The following ACER2 variants were observed in gnomAD, a reference collection of about 807,000 sequenced individuals.
ACER2 encodes the protein alkaline ceramidase 2.
Under a neutral mutation model 34.7 loss-of-function variants are expected in ACER2, and 26 were observed. The ratio of observed to expected loss-of-function variants is 0.75; its 90% CI spans 0.55 to 1.04. ACER2 has a LOEUF of 1.04. ACER2 is among the 50% of genes least tolerant of loss of function. ACER2 has a pLI of 0.00. For synonymous variants in ACER2, 138 were observed against 132.1 expected (o/e 1.04, Z -0.31); for missense variants, 352 against 340.8 (o/e 1.03, Z -0.26).
rs1831530518 is a variant in ACER2, at chr9:19,450,513, C to G, written c.705C>G (p.Ala235=). 6.2e-7 allele frequency: 1 copy of G among 1,612,502 alleles called. No homozygotes were observed. The highest frequency in any genetic ancestry group is 8.5e-7 in the Non-Finnish European group (1 of 1,178,748). Residue 235 remains alanine (A), a synonymous_variant, in exon 6 of 6, where the codon GCC becomes GCG. Coordinates refer to ENST00000340967, the MANE Select transcript of ACER2 (RefSeq NM_001010887.3). ...TATGCTTTGCCTACTTTGATGCTGC[C>G]TCAGAGATTCCTGAGCAAGGCCCTG... ...GCVCFAYFDA[A]SEIPEQGPVI...
Position 19,446,335 on chromosome 9 carries a change from C to G in ACER2, c.558C>G (p.Thr186=), listed in dbSNP as rs549430281. 7 of 1,614,120 alleles carry G rather than the reference C, an allele frequency of 4.3e-6. No homozygotes were observed. The South Asian group carries it at 5.5e-5, about 13-fold the overall frequency. ...KLGLFSGLWW[T]LALFCWISDR... ...GCCTCTTCTCGGGCCTCTGGTGGAC[C>G]CTGGCCCTGTTCTGCTGGATCAGTG... Residue 186 remains threonine (T), a synonymous_variant, in exon 5 of 6, where the codon ACC becomes ACG. Coordinates refer to ENST00000340967, the MANE Select transcript of ACER2 (RefSeq NM_001010887.3).
At chr9:19,420,882 C>T (rs1830385167) in intron 1 of ACER2, among the ~76,000 whole-genome samples, 2 of 152,090 alleles carry the variant, frequency 1.3e-5, no homozygotes, top group Admixed American at 6.6e-5. Flanking sequence ...GAGCGCTAAT[C>T]CAATTTAACA....
chr9:19,423,956 G>A lies in ACER2; in HGVS notation c.203G>A (p.Trp68Ter). Reference protein sequence around the residue: ...TCFNSGIYLIWTLLVVVGIGS... With the variant: ...TCFNSGIYLI ...TTCAACAGTGGCATCTACTTAATCT[G>A]GACTCTTTTGGTTGTAGTGGGTAAG... is the stretch of plus-strand genomic sequence containing the variant. Residue 68 changes from tryptophan (W) to a stop codon, truncating the protein, a stop_gained, in exon 2 of 6, where the codon TGG becomes TAG. Transcript: ENST00000340967. LOFTEE classifies it high-confidence loss of function. The A allele has an allele frequency of 1.9e-6, 3 of 1,613,658 alleles. No individual in the cohort carries two copies. Among genetic ancestry groups the A allele is most frequent in the Non-Finnish European group, 2.5e-6 (3 of 1,179,646 alleles).
intron 3 of ACER2, among the ~76,000 whole-genome samples, chr9:19,427,359 G>A (rs146478839): frequency 6.6e-6 from 1 of 152,232 alleles, no homozygotes; most frequent in East Asian, 1.9e-4. Flanking sequence ...TACATGTTAA[G>A]GGAAAAGTAA....
In ACER2 at chr9:19,446,294, C is replaced by T. The variant is rs774325568; in HGVS notation, c.517C>T (p.Arg173Cys). 11 of 1,614,096 alleles carry T rather than the reference C, an allele frequency of 6.8e-6. No homozygotes were observed. The highest frequency in any genetic ancestry group is 1.1e-5 in the South Asian group (1 of 91,080). ...IAELKRCDNM[R>C]VFKLGLFSGL... ...ACCCCCGTGCAGGTGTGACAACATG[C>T]GTGTGTTTAAGCTGGGCCTCTTCTC... is the stretch of plus-strand genomic sequence containing the variant. The change falls in exon 5 of 6, where the codon CGT (arginine) becomes TGT (cysteine). Residue 173 changes from arginine to cysteine, a missense_variant. Transcript: ENST00000340967.
At position 19,446,045 on chromosome 9, in the gene ACER2, G is replaced by A. The variant is rs1346078023; in HGVS notation, c.504-236G>A. 4 of 702,356 alleles carry A rather than the reference G, an allele frequency of 5.7e-6. No individual in the cohort carries two copies. In the East Asian group the frequency reaches 8.0e-5, roughly 14 times the overall value. The allele number at this position is 702,356 out of a possible 1,614,324, so 43.5% of individuals were successfully genotyped here. ...GTGCTCGTGTCAAAAATGTAGTTGG[G>A]TGTATGAGTCTGGAGTCAGGAGAGA... On this transcript the variant is annotated intron_variant, in intron 4 of 5. Transcript: ENST00000340967.
Position 19,448,828 on chromosome 9 carries a change from T to C in ACER2, c.642-1622T>C, listed in dbSNP as rs1831464779. Among the ~76,000 whole-genome samples the C allele has an allele frequency of 2.0e-5, 3 of 152,210 alleles. No individual in the cohort carries two copies. The South Asian group carries it at 6.2e-4, about 32-fold the overall frequency. The stretch of plus-strand genomic sequence containing the variant: ...CTTTTAATTTTCTTTGTCTGGTCTA[T>C]TGAGTGTTTCTATTTTTAAAAGTTC... On this transcript the variant is annotated intron_variant, in intron 5 of 5. Coordinates refer to ENST00000340967, the MANE Select transcript of ACER2 (RefSeq NM_001010887.3).
rs748069898 is a variant in ACER2 at position 19,423,990 on chromosome 9, T to C, written c.223+14T>C. On this transcript the variant is annotated intron_variant, in intron 2 of 5. Transcript: ENST00000340967. ...TGGTTGTAGTGGGTAAGTGGAGTCA[T>C]TTGGGAACACGGACTTAATGGGGTG... 4 of 1,584,630 alleles carry C rather than the reference T, an allele frequency of 2.5e-6. No homozygotes were observed. The Admixed American group carries it at 6.7e-5, about 26-fold the overall frequency.
chr9:19,443,053 C>G (rs541866033), intron 4 of ACER2, among the ~76,000 whole-genome samples: 1 of 145,312 alleles, frequency 6.9e-6, no homozygotes, highest in Non-Finnish European at 1.5e-5. Flanking sequence ...TTTTTTGAGA[C>G]GGAGTCTTGC....
chr9:19,413,294 T>G lies in ACER2; in HGVS notation c.108+4102T>G, dbSNP rs114311399. Among the ~76,000 whole-genome samples, 1,179 of 152,350 alleles carry G rather than the reference T, an allele frequency of 7.7e-3. 11 individuals carry two copies. The highest frequency in any genetic ancestry group is 0.027 in the African/African-American group (1,125 of 41,576). On this transcript the variant is annotated intron_variant, in intron 1 of 5. Transcript: ENST00000340967. ...ATTTTATTAATTGAGTTCCTTTTTATGTTTTAAGATTTAAGACCCCCTGGC... is the reference window on the plus strand; with the variant it reads ...ATTTTATTAATTGAGTTCCTTTTTAGGTTTTAAGATTTAAGACCCCCTGGC...
intron 1 of ACER2, among the ~76,000 whole-genome samples, chr9:19,420,563 T>C (rs1437463034): frequency 1.3e-5 from 2 of 152,224 alleles, no homozygotes; most frequent in Non-Finnish European, 2.9e-5. Flanking sequence ...TGGAACACTG[T>C]ACATTGCTGA....
intron 3 of ACER2, among the ~76,000 whole-genome samples, 169 bp downstream of exon 3, chr9:19,425,010 C>T (rs1466300173): frequency 1.3e-5 from 2 of 152,118 alleles, no homozygotes; most frequent in Non-Finnish European, 2.9e-5. Flanking sequence ...TATAAGTAAA[C>T]TGACAGATTA....
intron 2 of ACER2, among the ~76,000 whole-genome samples, chr9:19,424,200 A>G (rs973993206): frequency 3.9e-5 from 6 of 152,190 alleles, no homozygotes; most frequent in African/African-American, 7.2e-5. Flanking sequence ...TGTAGTAGCT[A>G]TTAGGGCTAT....
chr9:19,440,876 C>T (rs977337808), intron 4 of ACER2, among the ~76,000 whole-genome samples: 3 of 152,144 alleles, frequency 2.0e-5, no homozygotes, highest in Admixed American at 6.5e-5. Context: ...ATCTCAAATT[C>T]AACTTGACCA....
At chr9:19,417,549 C>G (rs1251491200) in intron 1 of ACER2, among the ~76,000 whole-genome samples, 1 of 152,136 alleles carries the variant, frequency 6.6e-6, no homozygotes, top group Non-Finnish European at 1.5e-5. Context: ...ACAGAGGCCT[C>G]AGAAATAATG....
At chr9:19,425,053 C>T (rs888570374) in intron 3 of ACER2, among the ~76,000 whole-genome samples, 1 of 152,128 alleles carries the variant, frequency 6.6e-6, no homozygotes, top group African/African-American at 2.4e-5. Context: ...GAGTGCATCA[C>T]CTCTCTGTAC....
chr9:19,439,250 C>G (rs1401951707), intron 4 of ACER2, among the ~76,000 whole-genome samples: 1 of 151,832 alleles, frequency 6.6e-6, no homozygotes, highest in Non-Finnish European at 1.5e-5. Context: ...TAGGGTTGGT[C>G]TTCTACGAAT....
intron 1 of ACER2, among the ~76,000 whole-genome samples, chr9:19,419,256 C>G (rs759713586): frequency 1.3e-5 from 2 of 152,180 alleles, no homozygotes; most frequent in Non-Finnish European, 2.9e-5. Flanking sequence ...GTCCTGATTC[C>G]TCCATGCCTG....
intron 3 of ACER2, among the ~76,000 whole-genome samples, chr9:19,426,501 A>G (rs1239925246): frequency 6.6e-6 from 1 of 151,494 alleles, no homozygotes; most frequent in African/African-American, 2.4e-5. Context: ...CGTTAGATTG[A>G]GAGCTGAGGA....
Sources: allele counts gnomAD v4.1 joint callset (sites outside exome capture counted in the v4.1 genomes callset), GRCh38; gene constraint gnomAD v4.1.1; transcripts MANE v1.5; gene names NCBI Gene and HGNC (gene_info 2026-07-23, HGNC 2026-07-21).